The following LRATD1 variants were observed in gnomAD, a reference collection of about 807,000 sequenced individuals.
LRATD1 encodes the protein LRAT domain containing 1.
In LRATD1, 8 loss-of-function variants were observed where a neutral mutation model predicts 21.3. The ratio of observed to expected loss-of-function variants is 0.38; its 90% CI spans 0.22 to 0.68. The LOEUF is 0.68. Ranked by LOEUF, LRATD1 falls within the 30% of genes least tolerant of loss-of-function variation. The pLI, the probability that LRATD1 is intolerant of heterozygous loss-of-function variation, is 0.54. For missense variants in LRATD1, 380 were observed against 404.0 expected (o/e 0.94, Z 0.51); for synonymous variants, 210 against 186.2 (o/e 1.13, Z -1.04).
chr2:14,644,512 G>A (rs1182390391), downstream of LRATD1, among the ~76,000 whole-genome samples: 5 of 152,210 alleles, frequency 3.3e-5, no homozygotes, highest in African/African-American at 9.6e-5. Context: ...GTGTTTAAGC[G>A]AAGTCCTTTT....
chr2:14,644,211 T>C (rs1011148726), downstream of LRATD1, among the ~76,000 whole-genome samples: 1 of 152,056 alleles, frequency 6.6e-6, no homozygotes, highest in Non-Finnish European at 1.5e-5. Flanking sequence ...GCCTGGAATA[T>C]AGGTAATTAC....
chr2:14,641,924 G>C (rs1414207298), downstream of LRATD1: 1 of 152,172 alleles, frequency 6.6e-6, no homozygotes, highest in African/African-American at 2.4e-5. Flanking sequence ...AGCACCCCCA[G>C]ACTCTCTCTT....
chr2:14,643,944 T>G (rs570058131), downstream of LRATD1, among the ~76,000 whole-genome samples: 1 of 152,190 alleles, frequency 6.6e-6, no homozygotes, highest in Non-Finnish European at 1.5e-5. Context: ...ATCTGGTCTA[T>G]AGTAGGTCCT....
In LRATD1 at chr2:14,635,585, C is replaced by G. The variant is rs1391198436; in HGVS notation, c.*727C>G. On this transcript the variant is annotated 3_prime_UTR_variant, in exon 2 of 2. Transcript: ENST00000295092. ...CCCACCCGCCTTTGCCTGCGAGTCT[C>G]CCTCGCTGGCAGAAGGGAAGCCGGC... is the stretch of plus-strand genomic sequence containing the variant. 1 of 471,082 alleles carries G rather than the reference C, an allele frequency of 2.1e-6. No homozygotes were observed. Among genetic ancestry groups the G allele is most frequent in the Non-Finnish European group, 4.4e-6 (1 of 227,046 alleles). The allele number at this position is 471,082 out of a possible 1,614,324, so 29.2% of individuals were successfully genotyped here.
Position 14,635,038 on chromosome 2 carries a change from A to G in LRATD1, c.*180A>G. 1.1e-6 allele frequency: 1 copy of G among 930,346 alleles called. No homozygotes were observed. The highest frequency in any genetic ancestry group is 1.7e-6 in the Non-Finnish European group (1 of 590,004). The allele number at this position is 930,346 out of a possible 1,614,324, so 57.6% of individuals were successfully genotyped here. A position where few individuals can be genotyped will look rare whatever the true frequency, so the allele number is the denominator to read the frequency against. ...CCCCAAGCCAGCGGCAGGAAGTCTCAGGAACTGCCCCAGGGCCGAAAGGGC... is the reference window on the plus strand; with the variant it reads ...CCCCAAGCCAGCGGCAGGAAGTCTCGGGAACTGCCCCAGGGCCGAAAGGGC... On this transcript the variant is annotated 3_prime_UTR_variant, in exon 2 of 2. Coordinates refer to ENST00000295092, the MANE Select transcript of LRATD1 (RefSeq NM_145175.4).
chr2:14,634,438 C>T lies in LRATD1; in HGVS notation c.459C>T (p.Ile153=). Residue 153 remains isoleucine, a synonymous_variant, in exon 2 of 2, where the codon ATC becomes ATT. Coordinates refer to ENST00000295092, the MANE Select transcript of LRATD1 (RefSeq NM_145175.4). ...HWAVYVGGGQ[I]IHLHQGEIRQ... ...CCGTCTACGTGGGCGGCGGGCAGAT[C>T]ATCCACCTGCACCAAGGCGAGATCC... is the stretch of plus-strand genomic sequence containing the variant. The T allele has an allele frequency of 6.6e-7, 1 of 1,525,538 alleles. No homozygotes were observed. The highest frequency in any genetic ancestry group is 8.8e-7 in the Non-Finnish European group (1 of 1,140,108). The allele number at this position is 1,525,538 out of a possible 1,614,324, so 94.5% of individuals were successfully genotyped here.
downstream of LRATD1, chr2:14,650,126 G>A (rs1166609766): frequency 1.3e-5 from 2 of 152,184 alleles, no homozygotes; most frequent in Non-Finnish European, 2.9e-5. Flanking sequence ...TTTCCTCAAT[G>A]TTGGTTTAAG....
chr2:14,634,936 A>C lies in LRATD1; in HGVS notation c.*78A>C, dbSNP rs1030438993. 2 of 1,491,626 alleles carry C rather than the reference A, an allele frequency of 1.3e-6. No individual in the cohort carries two copies. The highest frequency in any genetic ancestry group is 2.2e-5 in the Admixed American group (1 of 44,848). 92.4% of individuals were successfully genotyped at this position (1,491,626 alleles called of 1,614,324 possible). On this transcript the variant is annotated 3_prime_UTR_variant, in exon 2 of 2. Coordinates refer to ENST00000295092, the MANE Select transcript of LRATD1 (RefSeq NM_145175.4). ...TTCCCCGCACCCGGACTTCGCAGTC[A>C]GCGGTTCTCAACCTCTGCCCCGCCC...
downstream of LRATD1, among the ~76,000 whole-genome samples, chr2:14,644,356 T>C (rs1418415320): frequency 2.0e-5 from 3 of 152,186 alleles, no homozygotes; most frequent in Admixed American, 6.6e-5. Context: ...TACACATTTT[T>C]GTTAATTTTT....
chr2:14,651,487 C>T (rs971963100), downstream of LRATD1, among the ~76,000 whole-genome samples: 22 of 152,154 alleles, frequency 1.4e-4, no homozygotes, highest in African/African-American at 5.3e-4. Context: ...AGTGATTCCT[C>T]CAGTCTGTGT....
chr2:14,634,510 G>T lies in LRATD1; in HGVS notation c.531G>T (p.Val177=). The T allele has an allele frequency of 6.6e-7, 1 of 1,505,644 alleles. No homozygotes were observed. 93.3% of individuals were successfully genotyped at this position (1,505,644 alleles called of 1,614,324 possible). A position where few individuals can be genotyped will look rare whatever the true frequency, so the allele number is the denominator to read the frequency against. Reference sequence around the variant, plus strand: ...CGGGCGCGGCCAACGTGGGCCGGGTGGTGAATAGCTGGTACCGCTACCGCC... The same window carrying T: ...CGGGCGCGGCCAACGTGGGCCGGGTTGTGAATAGCTGGTACCGCTACCGCC... ...YEAGAANVGR[V]VNSWYRYRPL... The change falls in exon 2 of 2, where the codon GTG becomes GTT. Residue 177 remains valine (V), a synonymous_variant. Coordinates refer to ENST00000295092, the MANE Select transcript of LRATD1 (RefSeq NM_145175.4).
Position 14,634,822 on chromosome 2 carries a change from C to T in LRATD1, c.843C>T (p.Leu281=). Residue 281 remains leucine (L), a synonymous_variant, in exon 2 of 2, where the codon CTC becomes CTT. Coordinates refer to ENST00000295092, the MANE Select transcript of LRATD1 (RefSeq NM_145175.4). ...ACGCCAGCGGCCGCCTGCGAGTGCT[C>T]CAGGAGCTCGCCGACCTCGTGGACG... The part of the protein sequence containing the change: ...RIDASGRLRV[L]QELADLVDDK... The T allele has an allele frequency of 6.2e-7, 1 of 1,609,808 alleles. No homozygotes were observed. Among genetic ancestry groups the T allele is most frequent in the Non-Finnish European group, 8.5e-7 (1 of 1,177,468 alleles).
At chr2:14,641,287 C>A (rs1336464058), downstream of LRATD1, among the ~76,000 whole-genome samples, 1 of 152,100 alleles carries the variant, frequency 6.6e-6, no homozygotes, top group African/African-American at 2.4e-5. Context: ...GCAGGAGAAG[C>A]CTCAGAAGAG....
intron 2 of LRATD1, among the ~76,000 whole-genome samples, chr2:14,645,702 T>C (rs1469531449): frequency 1.3e-5 from 2 of 152,180 alleles, no homozygotes; most frequent in African/African-American, 2.4e-5. Flanking sequence ...TCTCCAACCT[T>C]ATAGGGCCAC....
At chr2:14,650,166 A>G (rs974970402), downstream of LRATD1, 2 of 152,184 alleles carry the variant, frequency 1.3e-5, no homozygotes, top group Non-Finnish European at 2.9e-5. Flanking sequence ...TTGTTATCAT[A>G]CTGTGGATGT....
chr2:14,651,404 G>C (rs1008205488), downstream of LRATD1, among the ~76,000 whole-genome samples: 2 of 151,962 alleles, frequency 1.3e-5, no homozygotes, highest in Non-Finnish European at 2.9e-5. Context: ...CCACCTCCTG[G>C]GTAAGAGAGA....
chr2:14,639,780 A>G lies in LRATD1; in HGVS notation c.*4922A>G, dbSNP rs1433549977. On this transcript the variant is annotated 3_prime_UTR_variant, in exon 2 of 2. Transcript: ENST00000295092. Reference sequence around the variant, plus strand: ...AAAGCACACAGTAGGTACTCCATAAATGTAAGACTATGGCAGCTGTCTAGT... The same window carrying G: ...AAAGCACACAGTAGGTACTCCATAAGTGTAAGACTATGGCAGCTGTCTAGT... 2 of 167,136 alleles carry G rather than the reference A, an allele frequency of 1.2e-5. No individual in the cohort carries two copies. Among genetic ancestry groups the G allele is most frequent in the Admixed American group, 1.3e-4 (2 of 15,288 alleles). The allele number at this position is 167,136 out of a possible 1,614,324, so 10.4% of individuals were successfully genotyped here.
chr2:14,650,523 A>C (rs561097915), downstream of LRATD1: 3 of 152,330 alleles, frequency 2.0e-5, no homozygotes, highest in African/African-American at 7.2e-5. Flanking sequence ...ACTCATATAA[A>C]ACCACTATTC....
chr2:14,647,259 A>G (rs183199860), intron 4 of LRATD1, among the ~76,000 whole-genome samples: 183 of 152,214 alleles, frequency 1.2e-3, no homozygotes, highest in Non-Finnish European at 2.0e-3. Flanking sequence ...CAATTTTTGA[A>G]TGTGTTTTAT....
Sources: allele counts gnomAD v4.1 joint callset (sites outside exome capture counted in the v4.1 genomes callset), GRCh38; gene constraint gnomAD v4.1.1; transcripts MANE v1.5; gene names NCBI Gene and HGNC (gene_info 2026-07-23, HGNC 2026-07-21).